Variants in BAALC observed in about 807,000 individuals in gnomAD.
BAALC encodes BAALC binder of MAP3K1 and KLF4, also known as brain and acute leukemia cytoplasmic protein.
BAALC carries 9 observed loss-of-function variants against 15.5 expected under a neutral mutation model. The observed-to-expected ratio is 0.58, with a 90% CI of 0.35 to 1.02. BAALC has a LOEUF of 1.02. Ranked by LOEUF, BAALC falls within the 50% of genes least tolerant of loss-of-function variation. The pLI, the probability that BAALC is intolerant of heterozygous loss-of-function variation, is 0.02. For synonymous variants in BAALC, 80 were observed against 74.6 expected, an observed-to-expected ratio of 1.07 and a Z score of -0.37; for missense variants, 201 against 192.4, an observed-to-expected ratio of 1.04 and a Z score of -0.27.
At chr8:103,156,891 T>C (rs534196495) in intron 1 of BAALC, 22 of 152,340 alleles carry the variant, frequency 1.4e-4, no homozygotes, top group Admixed American at 1.4e-3. Flanking sequence ...ATGATCTTCT[T>C]AGAGAAAGAG....
intron 1 of BAALC, among the ~76,000 whole-genome samples, chr8:103,160,888 C>A (rs1420373738): frequency 6.6e-6 from 1 of 152,084 alleles, no homozygotes; most frequent in African/African-American, 2.4e-5. Flanking sequence ...GGTGCCCACC[C>A]AGATTAAGGG....
At chr8:103,149,952 G>A (rs1410037035) in intron 1 of BAALC, among the ~76,000 whole-genome samples, 2 of 152,000 alleles carry the variant, frequency 1.3e-5, no homozygotes, top group Admixed American at 6.6e-5. Context: ...GTCTCTTTAT[G>A]GGTTGTATTA....
chr8:103,190,098 C>T (rs919528513), intron 1 of BAALC, among the ~76,000 whole-genome samples: 1 of 152,020 alleles, frequency 6.6e-6, no homozygotes, highest in African/African-American at 2.4e-5. Context: ...TGATAGGCCA[C>T]CAGTTTTTAA....
Position 103,140,804 on chromosome 8 carries a change from C to T in BAALC, c.-94C>T. On this transcript the variant is annotated 5_prime_UTR_variant, in exon 1 of 3. Coordinates refer to ENST00000309982, the MANE Select transcript of BAALC (RefSeq NM_024812.3). The surrounding 1 kb of genome is among the most constrained non-coding windows in gnomAD (Gnocchi z 4.2). ...AGCGGGGACGCGATGTCGCCGCCGC[C>T]GCCTCCTTGCGGGCCGGGGCTGCGC... is the stretch of plus-strand genomic sequence containing the variant. The T allele has an allele frequency of 8.6e-7, 1 of 1,160,528 alleles. No homozygotes were observed. Among genetic ancestry groups the T allele is most frequent in the African/African-American group, 1.6e-5 (1 of 61,562 alleles). The allele number at this position is 1,160,528 out of a possible 1,614,324, so 71.9% of individuals were successfully genotyped here. A position where few individuals can be genotyped will look rare whatever the true frequency, so the allele number is the denominator to read the frequency against.
intron 2 of BAALC, among the ~76,000 whole-genome samples, chr8:103,222,834 A>C (rs1406392991): frequency 6.6e-6 from 1 of 152,118 alleles, no homozygotes; most frequent in Non-Finnish European, 1.5e-5. Context: ...TGCCATTTAG[A>C]AGTAGTAGTA....
At chr8:103,186,716 T>G (rs967342990) in intron 1 of BAALC, among the ~76,000 whole-genome samples, 5 of 152,242 alleles carry the variant, frequency 3.3e-5, no homozygotes, top group African/African-American at 1.2e-4. Context: ...GCCCCAGAAA[T>G]AGAGAAAGCA....
intron 2 of BAALC, among the ~76,000 whole-genome samples, chr8:103,224,450 G>A (rs945989863): frequency 1.3e-5 from 2 of 151,982 alleles, no homozygotes; most frequent in African/African-American, 4.8e-5. Context: ...GGGCTTCCAG[G>A]CTATAGGTAA....
rs1812490197 is a variant in BAALC at position 103,213,177 on chromosome 8, G to A, written c.327+92G>A. ...GCCACCCAGCCGCTATGTCCAGGGA[G>A]GGACCAGGGATGGCTCATCTTGGAA... On this transcript the variant is annotated intron_variant, in intron 2 of 2. Coordinates refer to ENST00000309982, the MANE Select transcript of BAALC (RefSeq NM_024812.3). 6 of 1,365,248 alleles carry A rather than the reference G, an allele frequency of 4.4e-6. No individual in the cohort carries two copies. In the Admixed American group the frequency reaches 1.2e-4, roughly 27 times the overall value. The allele number at this position is 1,365,248 out of a possible 1,614,324, so 84.6% of individuals were successfully genotyped here. A position where few individuals can be genotyped will look rare whatever the true frequency, so the allele number is the denominator to read the frequency against.
intron 1 of BAALC, among the ~76,000 whole-genome samples, chr8:103,187,030 A>G (rs966250499): frequency 6.6e-5 from 10 of 152,136 alleles, no homozygotes; most frequent in African/African-American, 2.4e-4. Flanking sequence ...CTTACAGGTA[A>G]TATCGGCCAC....
intron 1 of BAALC, among the ~76,000 whole-genome samples, chr8:103,181,097 G>C (rs1417899351): frequency 6.6e-6 from 1 of 152,148 alleles, no homozygotes; most frequent in Non-Finnish European, 1.5e-5. Context: ...TCTCAGGAAA[G>C]GGTGGAGGTG....
intron 1 of BAALC, among the ~76,000 whole-genome samples, chr8:103,193,461 A>C (rs1812019562): frequency 6.6e-6 from 1 of 152,154 alleles, no homozygotes; most frequent in African/African-American, 2.4e-5. Context: ...TCTTGCTCTC[A>C]AGAAAGGACC....
chr8:103,202,160 T>C (rs1812230748), intron 1 of BAALC, among the ~76,000 whole-genome samples: 1 of 152,208 alleles, frequency 6.6e-6, no homozygotes, highest in South Asian at 2.1e-4. Flanking sequence ...TAAAAAGAAA[T>C]GCAAGGTAAT....
chr8:103,174,735 G>A (rs113480081), intron 1 of BAALC, among the ~76,000 whole-genome samples: 9 of 152,146 alleles, frequency 5.9e-5, no homozygotes, highest in African/African-American at 2.2e-4. Flanking sequence ...TCCTCTTAGA[G>A]AGCCACAGTG....
At chr8:103,176,672 C>T (rs561435175) in intron 1 of BAALC, among the ~76,000 whole-genome samples, 13 of 152,286 alleles carry the variant, frequency 8.5e-5, no homozygotes, top group Non-Finnish European at 1.8e-4. Flanking sequence ...CTGCCCTGTG[C>T]TGTCCTAGCT....
At chr8:103,145,395 T>C (rs527928741) in intron 1 of BAALC, among the ~76,000 whole-genome samples, 25 of 152,206 alleles carry the variant, frequency 1.6e-4, no homozygotes, top group Non-Finnish European at 3.7e-4. Context: ...ATACATGCAG[T>C]TCCTTCAATC....
At chr8:103,210,879 T>C (rs573868364) in intron 1 of BAALC, among the ~76,000 whole-genome samples, 1 of 152,314 alleles carries the variant, frequency 6.6e-6, no homozygotes, top group South Asian at 2.1e-4. Flanking sequence ...GACAGACTTG[T>C]AGAGGTAAAT....
chr8:103,211,551 G>C (rs1224462430), intron 1 of BAALC, among the ~76,000 whole-genome samples: 1 of 152,130 alleles, frequency 6.6e-6, no homozygotes, highest in Non-Finnish European at 1.5e-5. Context: ...TTCTTTTGGG[G>C]ATCTCCATTG....
At chr8:103,147,911 G>C (rs541361234) in intron 1 of BAALC, among the ~76,000 whole-genome samples, 1 of 152,296 alleles carries the variant, frequency 6.6e-6, no homozygotes, top group Admixed American at 6.5e-5. Flanking sequence ...GCTCCTGCTA[G>C]CTTGGCTACC....
In BAALC at chr8:103,206,753, C is replaced by T. The variant is rs574754174; in HGVS notation, c.161-6166C>T. Among the ~76,000 whole-genome samples the T allele has an allele frequency of 4.2e-4, 64 of 152,096 alleles. No individual in the cohort carries two copies. The South Asian group carries it at 0.012, about 30-fold the overall frequency. The stretch of plus-strand genomic sequence containing the variant: ...TGTGCAAGTGACTCCTAGGGGCATT[C>T]CTGGGAGAAGAGTGTGAAGGAGGGA... On this transcript the variant is annotated intron_variant, in intron 1 of 2. Coordinates refer to ENST00000309982, the MANE Select transcript of BAALC (RefSeq NM_024812.3).
Sources: gnomAD v4.1 joint callset for allele counts (sites outside exome capture counted in the v4.1 genomes callset) on GRCh38, gnomAD v4.1.1 for gene constraint, Gnocchi (gnomAD v3.1) non-coding constraint, MANE v1.5 for transcripts, NCBI Gene and HGNC (gene_info 2026-07-23, HGNC 2026-07-21) for gene names.